The following CTBP1 variants were observed in gnomAD, a reference collection of about 807,000 sequenced individuals.
The protein encoded by CTBP1 is C-terminal-binding protein 1.
Under a neutral mutation model 42.1 loss-of-function variants are expected in CTBP1, and 11 were observed. The ratio of observed to expected loss-of-function variants is 0.26; its 90% CI spans 0.16 to 0.43. CTBP1 has a LOEUF of 0.43. Among genes scored for constraint, CTBP1 ranks in the 20% least tolerant of loss-of-function variants. The pLI is 1.00. For missense variants in CTBP1, 399 were observed against 624.3 expected (o/e 0.64, Z 3.85); for synonymous variants, 324 against 277.1 (o/e 1.17, Z -1.68).
rs1201208953 is a variant in CTBP1, at chr4:1,223,027, CAT to C, written c.514+2331_514+2332del. ...GGCGGTGACCTGCAGGCAAGGCACA[CAT>C]GAGGCGCCTCCTGTCCTGTGGGCTT... On this transcript the variant is annotated intron_variant, in intron 5 of 9. Coordinates refer to ENST00000382952, the MANE Select transcript of CTBP1 (RefSeq NM_001012614.2). 1.6e-4 allele frequency among the ~76,000 whole-genome samples: 24 copies of C among 152,306 alleles called. No homozygotes were observed. In the East Asian group the frequency reaches 1.7e-3, roughly 11 times the overall value.
intron 1 of CTBP1, among the ~76,000 whole-genome samples, chr4:1,246,824 T>G (rs1477440246): frequency 6.6e-6 from 1 of 151,460 alleles, no homozygotes; most frequent in African/African-American, 2.4e-5. Flanking sequence ...TGACTACTTC[T>G]GTCCAGGGTT....
intron 2 of CTBP1, among the ~76,000 whole-genome samples, chr4:1,239,664 C>T (rs944735773): frequency 2.0e-5 from 3 of 152,194 alleles, no homozygotes; most frequent in South Asian, 2.1e-4. Flanking sequence ...CTGCAGGGGA[C>T]GGGGCATGGG....
At chr4:1,232,527 G>C (rs1035596236) in intron 3 of CTBP1, among the ~76,000 whole-genome samples, 1 of 152,050 alleles carries the variant, frequency 6.6e-6, no homozygotes, top group Non-Finnish European at 1.5e-5. Flanking sequence ...GCCCAGGCTG[G>C]TCTTGAACTC....
At chr4:1,242,707 T>A (rs1553850524) in intron 1 of CTBP1, 1 of 985,230 alleles carries the variant, frequency 1.0e-6, no homozygotes, top group Non-Finnish European at 1.2e-6. Flanking sequence ...TGGAGCGGGA[T>A]CCCCATCACC....
chr4:1,245,532 C>G (rs1291619948), intron 1 of CTBP1: 1 of 985,188 alleles, frequency 1.0e-6, no homozygotes, highest in Admixed American at 6.1e-5. Flanking sequence ...GCCCCCACAC[C>G]ACAGACGGGC....
intron 5 of CTBP1, chr4:1,221,712 C>T (rs572118500): frequency 1.1e-4 from 38 of 360,490 alleles, no homozygotes; most frequent in South Asian, 5.9e-4. Flanking sequence ...CCCGGGTCCT[C>T]GCAGGGTCGT....
chr4:1,232,715 C>T lies in CTBP1; in HGVS notation c.163-4372G>A, dbSNP rs1163667637. Among the ~76,000 whole-genome samples the T allele has an allele frequency of 2.0e-5, 3 of 152,226 alleles. No homozygotes were observed. In the East Asian group the frequency reaches 5.8e-4, roughly 29 times the overall value. ...ATTGTATGTTCTGTATTGTCATAACCTCAGGTAATAAACACATTCTCTTGC... is the reference window on the plus strand; with the variant it reads ...ATTGTATGTTCTGTATTGTCATAACTTCAGGTAATAAACACATTCTCTTGC... On this transcript the variant is annotated intron_variant, in intron 3 of 9. Transcript: ENST00000382952.
intron 1 of CTBP1, 37 bp downstream of exon 1, chr4:1,248,879 C>A: frequency 1.0e-6 from 1 of 964,648 alleles, no homozygotes; most frequent in Non-Finnish European, 1.2e-6. Flanking sequence ...GCCCCGCCCC[C>A]GCCCGCGGCC....
At chr4:1,220,699 T>C (rs1250089) in intron 5 of CTBP1, among the ~76,000 whole-genome samples, 58,986 of 152,196 alleles carry the variant, frequency 0.39, 11,778 homozygotes, top group Middle Eastern at 0.52. Flanking sequence ...CCCACTCACA[T>C]GTGGCCAACT....
chr4:1,228,459 C>T (rs995947514), intron 3 of CTBP1, 116 bp from the exon 4 acceptor site: 1 of 1,302,186 alleles, frequency 7.7e-7, no homozygotes, highest in African/African-American at 1.5e-5. Context: ...GCTTGTTCCC[C>T]AAGCACCAGC....
chr4:1,232,008 G>A (rs1731013063), intron 3 of CTBP1, among the ~76,000 whole-genome samples: 1 of 152,212 alleles, frequency 6.6e-6, no homozygotes, highest in Non-Finnish European at 1.5e-5. Flanking sequence ...TTTTCTGTCG[G>A]GATTTTTCTG....
At chr4:1,245,403 G>T in intron 1 of CTBP1, 2 of 985,390 alleles carry the variant, frequency 2.0e-6, no homozygotes, top group Non-Finnish European at 2.4e-6. Flanking sequence ...ACCACATGTG[G>T]GGTATCAGGG....
intron 5 of CTBP1, among the ~76,000 whole-genome samples, chr4:1,219,434 G>C (rs1729496903): frequency 6.6e-6 from 1 of 152,164 alleles, no homozygotes; most frequent in South Asian, 2.1e-4. Flanking sequence ...GATCAAAAGA[G>C]CTGGGATGGC....
chr4:1,237,492 G>A, intron 3 of CTBP1: 2 of 682,574 alleles, frequency 2.9e-6, no homozygotes, highest in Non-Finnish European at 5.3e-6. Context: ...TGGTGTGCAG[G>A]GAAAACCCCG....
At chr4:1,218,106 A>T (rs1453354034) in intron 5 of CTBP1, 1 of 152,210 alleles carries the variant, frequency 6.6e-6, no homozygotes. Context: ...AAAAGAATTT[A>T]AAAAATAAAT....
chr4:1,243,656 C>G (rs1732419584), intron 1 of CTBP1: 1 of 985,456 alleles, frequency 1.0e-6, no homozygotes, highest in Non-Finnish European at 1.2e-6. Flanking sequence ...TAGGGCAATG[C>G]CAGAGGCCCT....
At chr4:1,248,715 G>GC in intron 1 of CTBP1, 1 of 981,858 alleles carries the variant, frequency 1.0e-6, no homozygotes, top group Non-Finnish European at 1.2e-6. Flanking sequence ...ACACGCAGCG[G>GC]CCCGCGCATG....
intron 3 of CTBP1, among the ~76,000 whole-genome samples, chr4:1,234,332 CCTTT>C (rs1353927321): frequency 9.8e-5 from 15 of 152,322 alleles, no homozygotes; most frequent in Non-Finnish European, 1.9e-4. Context: ...CTTGGGGGCT[CCTTT>C]CTGTGGCGCC....
At chr4:1,243,934 A>G (rs1732446942) in intron 1 of CTBP1, 6 of 985,342 alleles carry the variant, frequency 6.1e-6, no homozygotes, top group South Asian at 4.7e-5. Context: ...GAAAGCACTC[A>G]AGGGACCCAC....
Sources: allele counts gnomAD v4.1 joint callset (sites outside exome capture counted in the v4.1 genomes callset), GRCh38; gene constraint gnomAD v4.1.1; transcripts MANE v1.5; gene names NCBI Gene and HGNC (gene_info 2026-07-23, HGNC 2026-07-21).